The following PPM1D variants were observed in gnomAD, a reference collection of about 807,000 sequenced individuals.
The protein encoded by PPM1D is protein phosphatase 1D.
PPM1D carries 52 observed loss-of-function variants against 58.3 expected under a neutral mutation model. That is an observed-to-expected ratio of 0.89 (90% CI 0.71 to 1.12). The LOEUF (loss-of-function observed/expected upper bound fraction) is 1.12, where lower values mean the gene tolerates loss of function less well. Among genes scored for constraint, PPM1D ranks in the 50% most tolerant of loss-of-function variants. The pLI, the probability that PPM1D is intolerant of heterozygous loss-of-function variation, is 0.00. For synonymous variants in PPM1D, 278 were observed against 285.1 expected, an observed-to-expected ratio of 0.98 and a Z score of 0.25; for missense variants, 564 against 777.2, an observed-to-expected ratio of 0.73 and a Z score of 3.26.
Position 60,637,745 on chromosome 17 carries a change from G to A in PPM1D, c.826+3768G>A, listed in dbSNP as rs572247810. ...AGATACTCTCACTGTTAAGACTCGGGGGATGTGCTCTGGTTTCATTTGAGG... is the reference window on the plus strand; with the variant it reads ...AGATACTCTCACTGTTAAGACTCGGAGGATGTGCTCTGGTTTCATTTGAGG... On this transcript the variant is annotated intron_variant, in intron 3 of 5. Transcript: ENST00000305921. Among the ~76,000 whole-genome samples the A allele has an allele frequency of 2.0e-5, 3 of 152,082 alleles. No individual in the cohort carries two copies. In the South Asian group the frequency reaches 6.2e-4, roughly 32 times the overall value.
chr17:60,635,104 A>G (rs1194878024), intron 3 of PPM1D, among the ~76,000 whole-genome samples: 3 of 152,126 alleles, frequency 2.0e-5, no homozygotes, highest in Non-Finnish European at 4.4e-5. Context: ...TTTGTTTCCA[A>G]TGTGAAACTA....
rs114282032 is a variant in PPM1D, at chr17:60,635,989, C to T, written c.826+2012C>T. Among the ~76,000 whole-genome samples, 1,522 of 152,222 alleles carry T rather than the reference C, an allele frequency of 1.0e-2. 15 individuals are homozygous for T. Among genetic ancestry groups the T allele is most frequent in the African/African-American group, 0.032 (1,342 of 41,548 alleles). ...CTGCAATCAAGATGTCATTAATCATCGAAGCCTTCAATGGGGTTGGAGCAT... is the reference window on the plus strand; with the variant it reads ...CTGCAATCAAGATGTCATTAATCATTGAAGCCTTCAATGGGGTTGGAGCAT... On this transcript the variant is annotated intron_variant, in intron 3 of 5. Coordinates refer to ENST00000305921, the MANE Select transcript of PPM1D (RefSeq NM_003620.4).
chr17:60,635,398 A>G (rs575479894), intron 3 of PPM1D, among the ~76,000 whole-genome samples: 1 of 152,168 alleles, frequency 6.6e-6, no homozygotes, highest in African/African-American at 2.4e-5. Flanking sequence ...TATTTTTAGT[A>G]GAGACGGGGT....
chr17:60,663,500 A>C lies in PPM1D; in HGVS notation c.1766A>C (p.Lys589Thr), dbSNP rs201593602. The change falls in exon 6 of 6, where the codon AAA (lysine) becomes ACA (threonine). Residue 589 changes from lysine (K) to threonine (T), a missense_variant. This residue lies in a region of PPM1D where 261 missense variants were observed against 270.1 expected (regional missense o/e 0.97). Coordinates refer to ENST00000305921, the MANE Select transcript of PPM1D (RefSeq NM_003620.4). The part of the protein sequence containing the change: ...TMRRRLRGQK[K>T]IGNPLLHQHR... ...CGACGCAGACTTAGGGGCCAGAAGA[A>C]AATTGGAAATCCTTTACTTCATCAA... The C allele has an allele frequency of 3.7e-6, 6 of 1,613,140 alleles. No individual in the cohort carries two copies. Among genetic ancestry groups the C allele is most frequent in the Non-Finnish European group, 5.1e-6 (6 of 1,180,034 alleles).
At chr17:60,623,436 A>C in intron 1 of PPM1D, 85 bp from the exon 2 acceptor site, 1 of 1,283,500 alleles carries the variant, frequency 7.8e-7, no homozygotes, top group East Asian at 2.4e-5. Context: ...TTAACATGCT[A>C]ATTCAGAGTT....
chr17:60,605,579 A>T (rs926612903), intron 1 of PPM1D, among the ~76,000 whole-genome samples: 3 of 152,198 alleles, frequency 2.0e-5, no homozygotes, highest in African/African-American at 7.2e-5. Flanking sequence ...TTCTCCTTTT[A>T]AAAAATTGTG....
At position 60,645,247 on chromosome 17, in the gene PPM1D, G is replaced by A. The variant is rs1209401115; in HGVS notation, c.827-2645G>A. 2.6e-5 allele frequency among the ~76,000 whole-genome samples: 4 copies of A among 151,870 alleles called. No homozygotes were observed. In the South Asian group the frequency reaches 8.3e-4, roughly 32 times the overall value. On this transcript the variant is annotated intron_variant, in intron 3 of 5. Transcript: ENST00000305921. Reference sequence around the variant, plus strand: ...CGGGCACCTGTAATCCCAGCTACTCGGGAGGCTGAGGCAGGAGAATCACTT... The same window carrying A: ...CGGGCACCTGTAATCCCAGCTACTCAGGAGGCTGAGGCAGGAGAATCACTT...
chr17:60,662,316 A>T (rs2143729564), intron 5 of PPM1D: 1 of 152,202 alleles, frequency 6.6e-6, no homozygotes. Context: ...GATCTTTAAA[A>T]GCTTTTTTTT....
intron 5 of PPM1D, among the ~76,000 whole-genome samples, chr17:60,660,902 T>C (rs1217126690): frequency 1.3e-5 from 2 of 152,170 alleles, no homozygotes; most frequent in African/African-American, 4.8e-5. Context: ...TATACTTTTA[T>C]ATAGCACTTC....
chr17:60,634,082 G>C, intron 3 of PPM1D, 105 bp downstream of exon 3: 1 of 1,310,016 alleles, frequency 7.6e-7, no homozygotes, highest in Non-Finnish European at 1.1e-6. Context: ...ATATAGTGAG[G>C]GTAGAGATAT....
At chr17:60,660,248 A>G (rs2031503637) in intron 5 of PPM1D, among the ~76,000 whole-genome samples, 2 of 152,184 alleles carry the variant, frequency 1.3e-5, no homozygotes, top group Non-Finnish European at 2.9e-5. Flanking sequence ...AGGCAGGAGA[A>G]TCGCTTGAAC....
rs570239697 is a variant in PPM1D, at chr17:60,634,894, C to T, written c.826+917C>T. Among the ~76,000 whole-genome samples, 343 of 152,276 alleles carry T rather than the reference C, an allele frequency of 2.3e-3. 2 individuals carry two copies. Among genetic ancestry groups the T allele is most frequent in the Middle Eastern group, 0.014 (4 of 294 alleles). On this transcript the variant is annotated intron_variant, in intron 3 of 5. Coordinates refer to ENST00000305921, the MANE Select transcript of PPM1D (RefSeq NM_003620.4). ...CTCCCAGGCTCAAGTGATCCTCCCACGTTAGCCTCCCGAGTAACTGGGACT... is the reference window on the plus strand; with the variant it reads ...CTCCCAGGCTCAAGTGATCCTCCCATGTTAGCCTCCCGAGTAACTGGGACT...
chr17:60,657,082 A>T, intron 5 of PPM1D: 1 of 1,389,510 alleles, frequency 7.2e-7, no homozygotes, highest in Non-Finnish European at 9.3e-7. Flanking sequence ...TTTGCCATCT[A>T]ATGCTATGAA....
chr17:60,614,789 A>G (rs2030547141), intron 1 of PPM1D, among the ~76,000 whole-genome samples: 1 of 152,126 alleles, frequency 6.6e-6, no homozygotes, highest in Non-Finnish European at 1.5e-5. Context: ...CTCACCGGGA[A>G]AGTCTGCAGC....
At chr17:60,624,314 A>T (rs1049980558) in intron 2 of PPM1D, among the ~76,000 whole-genome samples, 3 of 152,230 alleles carry the variant, frequency 2.0e-5, no homozygotes, top group Non-Finnish European at 4.4e-5. Context: ...GAAAAAATTT[A>T]AAAATTATCT....
chr17:60,613,135 A>C (rs1222174347), intron 1 of PPM1D, among the ~76,000 whole-genome samples: 1 of 152,132 alleles, frequency 6.6e-6, no homozygotes, highest in Non-Finnish European at 1.5e-5. Flanking sequence ...ATTGTGTACT[A>C]TGTAATACTA....
At chr17:60,610,269 G>A (rs2030427550) in intron 1 of PPM1D, among the ~76,000 whole-genome samples, 2 of 151,950 alleles carry the variant, frequency 1.3e-5, no homozygotes, top group South Asian at 2.1e-4. Context: ...GGCATCCTTT[G>A]GGGGTTTTGG....
At chr17:60,630,711 CAG>C (rs754913411) in intron 2 of PPM1D, among the ~76,000 whole-genome samples, 9 of 152,170 alleles carry the variant, frequency 5.9e-5, no homozygotes, top group Admixed American at 2.0e-4. Flanking sequence ...TTTTGTTTCT[CAG>C]AAACACAGAT....
At chr17:60,620,516 G>GT (rs750724040) in intron 1 of PPM1D, among the ~76,000 whole-genome samples, 26 of 150,942 alleles carry the variant, frequency 1.7e-4, no homozygotes, top group East Asian at 3.9e-4. Context: ...TTTTGTTGCT[G>GT]TTTTTTTTGT....
Sources: gnomAD v4.1 joint callset for allele counts (sites outside exome capture counted in the v4.1 genomes callset) on GRCh38, gnomAD v4.1.1 for gene constraint, gnomAD v4.1.1 regional missense constraint, MANE v1.5 for transcripts, NCBI Gene and HGNC (gene_info 2026-07-23, HGNC 2026-07-21) for gene names.